Variants in TRAPPC9 observed in about 807,000 individuals in gnomAD.
TRAPPC9 encodes trafficking protein particle complex subunit 9.
TRAPPC9 carries 83 observed loss-of-function variants against 124.0 expected under a neutral mutation model. That is an observed-to-expected ratio of 0.67 (90% CI 0.56 to 0.80). The LOEUF is 0.80. Among genes scored for constraint, TRAPPC9 ranks in the 30% least tolerant of loss-of-function variants. The pLI is 0.00. For missense variants in TRAPPC9, 1,302 were observed against 1,508.3 expected, an observed-to-expected ratio of 0.86 and a Z score of 2.27; for synonymous variants, 638 against 617.5, an observed-to-expected ratio of 1.03 and a Z score of -0.49.
intron 9 of TRAPPC9, among the ~76,000 whole-genome samples, chr8:140,320,605 A>G (rs116265759): frequency 8.3e-4 from 127 of 152,332 alleles, no homozygotes; most frequent in African/African-American, 2.5e-3. Flanking sequence ...ATCGGGACCA[A>G]CAGCAATCAG....
chr8:139,989,547 C>T (rs776195230), intron 18 of TRAPPC9, among the ~76,000 whole-genome samples: 4 of 152,210 alleles, frequency 2.6e-5, no homozygotes, highest in Non-Finnish European at 5.9e-5. Flanking sequence ...CAAATACAAA[C>T]GCGATGTCCT....
chr8:140,041,938 T>C (rs1841300377), intron 17 of TRAPPC9, among the ~76,000 whole-genome samples: 1 of 151,570 alleles, frequency 6.6e-6, no homozygotes, highest in South Asian at 2.1e-4. Flanking sequence ...ACCACTGTAC[T>C]CCAGCCTGGG....
intron 21 of TRAPPC9, among the ~76,000 whole-genome samples, chr8:139,756,968 A>G (rs371178340): frequency 0.12 from 2,942 of 24,482 alleles, no homozygotes; most frequent in African/African-American, 0.17. Context: ...GTCGCAGGAG[A>G]AGCCAGGGTT....
chr8:140,361,194 T>C (rs75380097), intron 8 of TRAPPC9, among the ~76,000 whole-genome samples: 1,618 of 152,364 alleles, frequency 0.011, 33 homozygotes, highest in African/African-American at 0.035. Flanking sequence ...AAGTCCGTAA[T>C]AGCTCACGAC....
At chr8:140,367,743 T>A (rs944189411) in intron 8 of TRAPPC9, among the ~76,000 whole-genome samples, 2 of 152,034 alleles carry the variant, frequency 1.3e-5, no homozygotes, top group East Asian at 3.9e-4. Flanking sequence ...GTGATGATGA[T>A]GTGTCAACAT....
At position 139,923,374 on chromosome 8, in the gene TRAPPC9, G is replaced by A. The variant is rs188545123; in HGVS notation, c.2811-13074C>T. Among the ~76,000 whole-genome samples, 6 of 152,308 alleles carry A rather than the reference G, an allele frequency of 3.9e-5. No homozygotes were observed. The East Asian group carries it at 5.8e-4, about 15-fold the overall frequency. On this transcript the variant is annotated intron_variant, in intron 19 of 22. Coordinates refer to ENST00000438773, the MANE Select transcript of TRAPPC9 (RefSeq NM_001160372.4). The stretch of plus-strand genomic sequence containing the variant: ...CAGGTGACATGTAAAATGCCATGCC[G>A]TGGGTTTCTTCCGGCGCCCCATCTG...
intron 7 of TRAPPC9, among the ~76,000 whole-genome samples, chr8:140,373,422 C>T (rs1278992228): frequency 6.6e-6 from 1 of 152,212 alleles, no homozygotes; most frequent in East Asian, 1.9e-4. Flanking sequence ...CACTCGGTTC[C>T]AATGCCACCC....
intron 5 of TRAPPC9, among the ~76,000 whole-genome samples, chr8:140,423,678 A>G (rs570625085): frequency 2.0e-3 from 296 of 151,452 alleles, no homozygotes; most frequent in Admixed American, 3.9e-3. Context: ...ACACATATAC[A>G]CATATATACA....
chr8:139,762,970 G>C (rs558810073), intron 21 of TRAPPC9, among the ~76,000 whole-genome samples: 1 of 152,338 alleles, frequency 6.6e-6, no homozygotes, highest in East Asian at 1.9e-4. Context: ...CTGAGAATGA[G>C]GCTGCAGCTG....
At chr8:139,945,800 T>A (rs926102410) in intron 19 of TRAPPC9, among the ~76,000 whole-genome samples, 1 of 152,174 alleles carries the variant, frequency 6.6e-6, no homozygotes, top group South Asian at 2.1e-4. Context: ...GAAGGATGTA[T>A]CTCCCTTGGT....
At chr8:140,196,640 T>C (rs1334369022) in intron 17 of TRAPPC9, among the ~76,000 whole-genome samples, 5 of 148,272 alleles carry the variant, frequency 3.4e-5, no homozygotes, top group South Asian at 2.1e-4. Context: ...AACAATCCAC[T>C]GTACAGATCA....
At chr8:139,917,167 C>CTTTTTGTTTTTTTTTT (rs1832195117) in intron 19 of TRAPPC9, among the ~76,000 whole-genome samples, 1 of 99,926 alleles carries the variant, frequency 1.0e-5, no homozygotes. Flanking sequence ...TTATTATTTT[C>CTTTTTGTTTTTTTTTT]TTTTTTTTTT....
chr8:140,346,067 C>T (rs2067340751), intron 9 of TRAPPC9, among the ~76,000 whole-genome samples: 1 of 152,212 alleles, frequency 6.6e-6, no homozygotes, highest in Non-Finnish European at 1.5e-5. Flanking sequence ...CAAACACATC[C>T]TAGTGTTCAA....
chr8:139,803,289 G>A (rs562226763), intron 21 of TRAPPC9, among the ~76,000 whole-genome samples: 1 of 152,368 alleles, frequency 6.6e-6, no homozygotes, highest in East Asian at 1.9e-4. Context: ...CTCTCAGGAA[G>A]GCAACGTCCG....
chr8:140,038,638 G>A (rs758989877), intron 17 of TRAPPC9, among the ~76,000 whole-genome samples: 6 of 152,174 alleles, frequency 3.9e-5, no homozygotes, highest in Non-Finnish European at 8.8e-5. Context: ...AGAGGGAGGC[G>A]GCCTCTCCTG....
chr8:140,256,859 G>A (rs1454843695), intron 15 of TRAPPC9, among the ~76,000 whole-genome samples: 2 of 152,128 alleles, frequency 1.3e-5, no homozygotes, highest in African/African-American at 4.8e-5. Context: ...AACATATAGA[G>A]TACTTAGGAC....
At chr8:140,085,890 C>G (rs568003455) in intron 17 of TRAPPC9, among the ~76,000 whole-genome samples, 25 of 152,316 alleles carry the variant, frequency 1.6e-4, no homozygotes, top group African/African-American at 5.5e-4. Flanking sequence ...AAAGTGCTGG[C>G]AGAACTCTCC....
chr8:139,955,343 G>A (rs1386928193), intron 19 of TRAPPC9, among the ~76,000 whole-genome samples: 2 of 151,972 alleles, frequency 1.3e-5, no homozygotes, highest in Non-Finnish European at 2.9e-5. Context: ...TGGGTTCTTT[G>A]CATGCTGTGA....
At chr8:139,822,624 C>CG (rs59188986) in intron 21 of TRAPPC9, among the ~76,000 whole-genome samples, 24,859 of 151,188 alleles carry the variant, frequency 0.16, 2,074 homozygotes, top group Admixed American at 0.22. Flanking sequence ...CGTAGGATGG[C>CG]GGGGGGGGGC....
Sources: allele counts gnomAD v4.1 joint callset (sites outside exome capture counted in the v4.1 genomes callset), GRCh38; gene constraint gnomAD v4.1.1; transcripts MANE v1.5; gene names NCBI Gene and HGNC (gene_info 2026-07-23, HGNC 2026-07-21).